The following NKAIN2 variants were observed in gnomAD, a reference collection of about 807,000 sequenced individuals.
The protein encoded by NKAIN2 is sodium/potassium transporting ATPase interacting 2, also known as sodium/potassium-transporting ATPase subunit beta-1-interacting protein 2.
In NKAIN2, 14 loss-of-function variants were observed where a neutral mutation model predicts 32.6. The observed-to-expected ratio is 0.43, with a 90% CI of 0.28 to 0.67. The LOEUF is 0.67. Ranked by LOEUF, NKAIN2 falls within the 30% of genes least tolerant of loss-of-function variation. The pLI, the probability that NKAIN2 is intolerant of heterozygous loss-of-function variation, is 0.17. For missense variants in NKAIN2, 198 were observed against 258.3 expected (o/e 0.77, Z 1.60); for synonymous variants, 80 against 87.2 (o/e 0.92, Z 0.46).
At chr6:124,570,126 A>G (rs1012115105) in intron 3 of NKAIN2, among the ~76,000 whole-genome samples, 1 of 152,138 alleles carries the variant, frequency 6.6e-6, no homozygotes, top group East Asian at 1.9e-4. Flanking sequence ...GAGAGCGTTG[A>G]TTTAGGGTAC....
chr6:123,966,577 A>G (rs969070202), intron 1 of NKAIN2, among the ~76,000 whole-genome samples: 1 of 152,200 alleles, frequency 6.6e-6, no homozygotes, highest in African/African-American at 2.4e-5. Context: ...TGAAGCTGAG[A>G]CTAAACTTTC....
chr6:124,010,582 C>T (rs1300817589), intron 1 of NKAIN2, among the ~76,000 whole-genome samples: 1 of 150,700 alleles, frequency 6.6e-6, no homozygotes, highest in Non-Finnish European at 1.5e-5. Flanking sequence ...TGGGCTCAAA[C>T]ACTGGCTTAT....
rs986518911 is a variant in NKAIN2 at position 123,842,194 on chromosome 6, T to C, written c.54+37940T>C. Among the ~76,000 whole-genome samples the C allele has an allele frequency of 3.3e-5, 5 of 152,172 alleles. No homozygotes were observed. The East Asian group carries it at 5.8e-4, about 18-fold the overall frequency. On this transcript the variant is annotated intron_variant, in intron 1 of 6. Coordinates refer to ENST00000368417, the MANE Select transcript of NKAIN2 (RefSeq NM_001040214.3). ...AAAATAAATTTGTGGCACGTATTAG[T>C]CTGCTTGGGCTGCCAAAACAAAATA...
intron 1 of NKAIN2, among the ~76,000 whole-genome samples, chr6:124,151,093 G>A (rs1787693379): frequency 6.6e-6 from 1 of 151,782 alleles, no homozygotes; most frequent in Non-Finnish European, 1.5e-5. Context: ...TAACTCCTCT[G>A]ATGGGATCTT....
chr6:124,500,866 TTAGAC>T (rs1345012243), intron 3 of NKAIN2, among the ~76,000 whole-genome samples: 6 of 152,068 alleles, frequency 3.9e-5, no homozygotes, highest in Non-Finnish European at 8.8e-5. Flanking sequence ...ATAAAAAAGT[TTAGAC>T]TAGAAGTCAG....
chr6:124,376,764 TATC>T (rs2053386936), intron 3 of NKAIN2, among the ~76,000 whole-genome samples: 2 of 152,142 alleles, frequency 1.3e-5, no homozygotes, highest in Non-Finnish European at 2.9e-5. Flanking sequence ...CTACTATAAA[TATC>T]ATTTATCTGA....
At chr6:123,858,790 G>A (rs1259184626) in intron 1 of NKAIN2, among the ~76,000 whole-genome samples, 1 of 152,178 alleles carries the variant, frequency 6.6e-6, no homozygotes, top group African/African-American at 2.4e-5. Context: ...TCAGTACTGG[G>A]AAGTTCTTGA....
intron 3 of NKAIN2, among the ~76,000 whole-genome samples, chr6:124,463,109 G>A (rs1317581578): frequency 1.3e-5 from 2 of 151,974 alleles, no homozygotes; most frequent in African/African-American, 2.4e-5. Context: ...TCAAAAGGAA[G>A]AAATTTTTAG....
At chr6:124,509,465 G>A (rs949319512) in intron 3 of NKAIN2, among the ~76,000 whole-genome samples, 3 of 152,162 alleles carry the variant, frequency 2.0e-5, no homozygotes, top group Non-Finnish European at 2.9e-5. Context: ...ATAGGTCATC[G>A]TTGGGCTAAT....
intron 3 of NKAIN2, among the ~76,000 whole-genome samples, chr6:124,496,435 T>C (rs1294431174): frequency 6.6e-6 from 1 of 152,162 alleles, no homozygotes; most frequent in Non-Finnish European, 1.5e-5. Flanking sequence ...TAATAAGTCA[T>C]GGCACTGCCC....
At chr6:123,946,034 G>A (rs1278255470) in intron 1 of NKAIN2, among the ~76,000 whole-genome samples, 2 of 151,960 alleles carry the variant, frequency 1.3e-5, no homozygotes, top group Non-Finnish European at 2.9e-5. Context: ...TGGCATTGGA[G>A]AATAATGTAT....
In NKAIN2 at chr6:123,910,499, GTTTTT is replaced by G. The variant is rs35165515; in HGVS notation, c.54+106264_54+106268del. Among the ~76,000 whole-genome samples, 5 of 81,314 alleles carry G rather than the reference GTTTTT, an allele frequency of 6.1e-5. No individual in the cohort carries two copies. In the East Asian group the frequency reaches 1.5e-3, roughly 24 times the overall value. 53.3% of individuals were successfully genotyped at this position (81,314 alleles called of 152,430 possible). On this transcript the variant is annotated intron_variant, in intron 1 of 6. Coordinates refer to ENST00000368417, the MANE Select transcript of NKAIN2 (RefSeq NM_001040214.3). The stretch of plus-strand genomic sequence containing the variant: ...TTTGAGGACATTACCTGCAATGCAT[GTTTTT>G]TTTTTTTTTTTTTTTTTTGAGATGG...
At chr6:123,864,915 CAG>C (rs1464586567) in intron 1 of NKAIN2, among the ~76,000 whole-genome samples, 3 of 152,092 alleles carry the variant, frequency 2.0e-5, no homozygotes, top group Non-Finnish European at 4.4e-5. Context: ...AAATTTTACA[CAG>C]AAATATCTTG....
intron 1 of NKAIN2, among the ~76,000 whole-genome samples, chr6:123,936,169 C>T (rs1242336464): frequency 6.6e-6 from 1 of 152,158 alleles, no homozygotes; most frequent in Non-Finnish European, 1.5e-5. Flanking sequence ...AGAGAAACCA[C>T]ATTTATTTTG....
chr6:123,876,773 G>C (rs1168613437), intron 1 of NKAIN2, among the ~76,000 whole-genome samples: 1 of 152,182 alleles, frequency 6.6e-6, no homozygotes, highest in African/African-American at 2.4e-5. Flanking sequence ...AGGGCCATCT[G>C]CTTTTCTCAG....
At chr6:124,067,445 C>G (rs1297811233) in intron 1 of NKAIN2, among the ~76,000 whole-genome samples, 1 of 152,084 alleles carries the variant, frequency 6.6e-6, no homozygotes, top group East Asian at 1.9e-4. Flanking sequence ...TCTCATAGCA[C>G]CTCACTTGGA....
rs377291225 is a variant in NKAIN2 at position 124,456,674 on chromosome 6, CT to C, written c.273+101330del. Among the ~76,000 whole-genome samples, 841 of 151,866 alleles carry C rather than the reference CT, an allele frequency of 5.5e-3. 10 individuals are homozygous for C. Among genetic ancestry groups the C allele is most frequent in the African/African-American group, 0.019 (769 of 41,484 alleles). ...TATTGACTTATAAAACTATTTTATACTTTATTAATATGAGATCTTTGACTCC... is the reference window on the plus strand; with the variant it reads ...TATTGACTTATAAAACTATTTTATACTTATTAATATGAGATCTTTGACTCC... On this transcript the variant is annotated intron_variant, in intron 3 of 6. Transcript: ENST00000368417.
chr6:124,355,392 A>T, intron 3 of NKAIN2, 45 bp downstream of exon 3: 1 of 1,079,372 alleles, frequency 9.3e-7, no homozygotes, highest in Non-Finnish European at 1.4e-6. Flanking sequence ...GGGTGTTAAC[A>T]AGTCTCTTCC....
At chr6:124,668,650 C>T (rs538025349) in intron 4 of NKAIN2, among the ~76,000 whole-genome samples, 41 of 152,190 alleles carry the variant, frequency 2.7e-4, no homozygotes, top group Non-Finnish European at 4.9e-4. Flanking sequence ...TCCTACCATA[C>T]GATATGTTAG....
Sources: gnomAD v4.1 joint callset for allele counts (sites outside exome capture counted in the v4.1 genomes callset) on GRCh38, gnomAD v4.1.1 for gene constraint, MANE v1.5 for transcripts, NCBI Gene and HGNC (gene_info 2026-07-23, HGNC 2026-07-21) for gene names.